Variants in LAMA1 observed in about 807,000 individuals in gnomAD.
LAMA1 encodes the protein laminin subunit alpha 1.
Under a neutral mutation model 348.7 loss-of-function variants are expected in LAMA1, and 219 were observed. That is an observed-to-expected ratio of 0.63 (90% CI 0.56 to 0.70). LAMA1 has a LOEUF of 0.70. Among genes scored for constraint, LAMA1 ranks in the 30% least tolerant of loss-of-function variants. The pLI is 0.00. For missense variants in LAMA1, 3,744 were observed against 3,888.0 expected (o/e 0.96, Z 0.99); for synonymous variants, 1,487 against 1,491.0 (o/e 1.00, Z 0.06).
intron 22 of LAMA1, 37 bp from the exon 23 acceptor site, chr18:7,014,088 G>T: frequency 6.7e-7 from 1 of 1,483,714 alleles, no homozygotes; most frequent in South Asian, 1.1e-5. Context: ...TAAAAAGGCA[G>T]ATTTGATGCT....
chr18:6,985,782 T>TG lies in LAMA1; in HGVS notation c.5380-140dup, dbSNP rs1322811655. ...TTAAAGTTATTTTCATTTTTTGAGA[T>TG]GGAGTCTCATTCTGTTGCCAGGCTG... is the stretch of plus-strand genomic sequence containing the variant. On this transcript the variant is annotated intron_variant, in intron 37 of 62. Transcript: ENST00000389658. The TG allele has an allele frequency of 1.8e-5, 12 of 672,142 alleles. No homozygotes were observed. In the African/African-American group the frequency reaches 1.8e-4, roughly 10 times the overall value. 41.6% of individuals were successfully genotyped at this position (672,142 alleles called of 1,614,324 possible).
In LAMA1 at chr18:6,978,351, T is replaced by A. The variant is rs2057692581; in HGVS notation, c.6035A>T (p.Lys2012Ile). 6.2e-7 allele frequency: 1 copy of A among 1,614,184 alleles called. No individual in the cohort carries two copies. The change falls in exon 43 of 63, where the codon AAA becomes ATA. Residue 2012 changes from lysine (K) to isoleucine (I), a missense_variant. Lys to Ile is a moderately radical substitution (Grantham distance 102). This residue lies in a region of LAMA1 where 1,983 missense variants were observed against 1,934.3 expected (regional missense o/e 1.03). Transcript: ENST00000389658. ...KGIRDKGAKT[K>I]ELATSASQSA... ...CTGGCTTGCAGACGTGGCCAGCTCT[T>A]TGGTTTTGGCTCCCTTGTCTCTTAT...
At chr18:6,999,416 C>G (rs1410170116) in intron 32 of LAMA1, 29 bp downstream of exon 32, 1 of 1,613,086 alleles carries the variant, frequency 6.2e-7, no homozygotes, top group African/African-American at 1.3e-5. Context: ...GAAAAACCAT[C>G]TTTACACATT....
intron 42 of LAMA1, among the ~76,000 whole-genome samples, 196 bp from the exon 43 acceptor site, chr18:6,978,574 T>C (rs537937904): frequency 6.6e-6 from 1 of 152,330 alleles, no homozygotes; most frequent in Non-Finnish European, 1.5e-5. Flanking sequence ...TTGTTTCTAA[T>C]GGCAATATTA....
intron 56 of LAMA1, chr18:6,956,407 C>T (rs764657735): frequency 8.9e-5 from 62 of 695,482 alleles, no homozygotes; most frequent in South Asian, 3.0e-4. Context: ...GCCCAATGCG[C>T]GGCCTGGGTG....
chr18:7,032,026 TGAG>T, intron 16 of LAMA1, 37 bp downstream of exon 16: 4 of 1,515,798 alleles, frequency 2.6e-6, no homozygotes, highest in East Asian at 2.3e-5. Flanking sequence ...GGCTCTGAAT[TGAG>T]GAGGAGAGGG....
chr18:7,115,152 A>C (rs2058350595), intron 1 of LAMA1, among the ~76,000 whole-genome samples: 1 of 152,186 alleles, frequency 6.6e-6, no homozygotes, highest in African/African-American at 2.4e-5. Context: ...GAAAAGAAAA[A>C]ACGCACCTCT....
In LAMA1 at chr18:6,948,477, G is replaced by A. The variant is rs759652635; in HGVS notation, c.8636C>T (p.Ala2879Val). The A allele has an allele frequency of 6.2e-7, 1 of 1,614,174 alleles. No homozygotes were observed. The highest frequency in any genetic ancestry group is 1.1e-5 in the South Asian group (1 of 91,084). ...TGCGTAGCACCTGTTCACCGTGAAG[G>A]CAGACACCGGGCTGTCCTTGTCCAG... ...KQLDKDSPVS[A>V]FTVNRCYAVA... Residue 2879 changes from alanine to valine, a missense_variant, in exon 60 of 63, where the codon GCC becomes GTC. By Grantham distance (64) the Ala-to-Val change is moderately conservative (BLOSUM62 0). Coordinates refer to ENST00000389658, the MANE Select transcript of LAMA1 (RefSeq NM_005559.4).
chr18:7,095,676 G>A lies in LAMA1; in HGVS notation c.62-15219C>T, dbSNP rs145883533. Among the ~76,000 whole-genome samples, 691 of 152,324 alleles carry A rather than the reference G, an allele frequency of 4.5e-3. 6 individuals carry two copies. Among genetic ancestry groups the A allele is most frequent in the Middle Eastern group, 0.02 (6 of 294 alleles). The stretch of plus-strand genomic sequence containing the variant: ...TCCTCTCAGGGACTGCAATTCCCAC[G>A]GAATTCTCCTTTACTTCAGTGTGCT... On this transcript the variant is annotated intron_variant, in intron 1 of 62. Transcript: ENST00000389658.
chr18:7,037,940 A>G (rs2058002911), intron 11 of LAMA1, among the ~76,000 whole-genome samples, 189 bp from the exon 12 acceptor site: 1 of 152,128 alleles, frequency 6.6e-6, no homozygotes, highest in South Asian at 2.1e-4. Context: ...GACCAGGAGG[A>G]CCTGAGAACA....
At chr18:6,956,382 G>C (rs1340418462) in intron 56 of LAMA1, 1 of 647,668 alleles carries the variant, frequency 1.5e-6, no homozygotes, top group Non-Finnish European at 2.8e-6. Flanking sequence ...TCTGCCAAAA[G>C]CATATTATAC....
chr18:6,949,231 C>T lies in LAMA1; in HGVS notation c.8426G>A (p.Gly2809Asp). The T allele has an allele frequency of 1.2e-6, 2 of 1,614,164 alleles. No individual in the cohort carries two copies. The highest frequency in any genetic ancestry group is 2.2e-5 in the East Asian group (1 of 44,888). The change falls in exon 59 of 63, where the codon GGC becomes GAC. Residue 2809 changes from glycine (G) to aspartate (D), a missense_variant. Gly to Asp is a moderately conservative substitution (Grantham distance 94). This residue lies in a region of LAMA1 where 1,983 missense variants were observed against 1,934.3 expected (regional missense o/e 1.03). Transcript: ENST00000389658. ...CTCTCGGCCGTCGACAGTTATGAAG[C>T]CTTTTCTTTTAACATAGTCTGTCTT... is the stretch of plus-strand genomic sequence containing the variant. ...TVKTDYVKRK[G>D]FITVDGRESP... is the part of the protein sequence containing the mutation.
At chr18:6,954,951 T>C in intron 57 of LAMA1, 1 of 327,056 alleles carries the variant, frequency 3.1e-6, no homozygotes, top group South Asian at 2.6e-5. Context: ...GAGGGGTGGG[T>C]GTGGCACTCG....
intron 42 of LAMA1, among the ~76,000 whole-genome samples, chr18:6,979,077 T>C (rs1002759146): frequency 2.6e-5 from 4 of 152,212 alleles, no homozygotes; most frequent in Admixed American, 2.6e-4. Context: ...AAAAAGGGTA[T>C]ACAGGTGGCC....
chr18:7,073,410 C>T (rs1031700037), intron 3 of LAMA1, among the ~76,000 whole-genome samples: 4 of 152,146 alleles, frequency 2.6e-5, no homozygotes, highest in South Asian at 2.1e-4. Flanking sequence ...AACAACTCCC[C>T]ATTCTCTCTC....
At chr18:6,987,053 C>T (rs577959851) in intron 36 of LAMA1, among the ~76,000 whole-genome samples, 1 of 152,292 alleles carries the variant, frequency 6.6e-6, no homozygotes, top group Admixed American at 6.5e-5. Flanking sequence ...GCCACTGCGC[C>T]CGGCCCAAAG....
chr18:7,070,637 A>C (rs1321479043), intron 3 of LAMA1, among the ~76,000 whole-genome samples: 2 of 152,198 alleles, frequency 1.3e-5, no homozygotes, highest in Non-Finnish European at 2.9e-5. Flanking sequence ...TGCATAAAAC[A>C]AAGGCTCCTC....
At chr18:7,051,379 A>G (rs1457552430) in intron 3 of LAMA1, among the ~76,000 whole-genome samples, 4 of 152,222 alleles carry the variant, frequency 2.6e-5, no homozygotes, top group African/African-American at 9.6e-5. Flanking sequence ...TAGAATCAGT[A>G]GCAACTGTTC....
chr18:7,021,837 A>ATATAT (rs66762078), intron 19 of LAMA1, among the ~76,000 whole-genome samples: 3 of 54,504 alleles, frequency 5.5e-5, no homozygotes, highest in Non-Finnish European at 1.1e-4. Context: ...TAATATAATA[A>ATATAT]TATATTATAT....
Sources: gnomAD v4.1 joint callset for allele counts (sites outside exome capture counted in the v4.1 genomes callset) on GRCh38, gnomAD v4.1.1 for gene constraint, gnomAD v4.1.1 regional missense constraint, MANE v1.5 for transcripts, NCBI Gene and HGNC (gene_info 2026-07-23, HGNC 2026-07-21) for gene names.